ATG16L2: variants seen among roughly 807,000 people sequenced by gnomAD.
The protein encoded by ATG16L2 is protein Atg16l2.
A neutral mutation model predicts 84.7 loss-of-function variants in ATG16L2; 77 were observed. That is an observed-to-expected ratio of 0.91 (90% CI 0.76 to 1.10). The LOEUF (loss-of-function observed/expected upper bound fraction) is 1.10. Among genes scored for constraint, ATG16L2 ranks in the 50% least tolerant of loss-of-function variants. The probability of loss-of-function intolerance (pLI) is 0.00; values close to 1 mark genes in which losing one functional copy is unlikely to be tolerated. For missense variants in ATG16L2, 782 were observed against 817.6 expected, an observed-to-expected ratio of 0.96 and a Z score of 0.53; for synonymous variants, 361 against 342.8, an observed-to-expected ratio of 1.05 and a Z score of -0.59.
At chr11:72,828,677 G>A (rs1860503255) in intron 15 of ATG16L2, 52 bp from the exon 16 acceptor site, 2 of 1,610,482 alleles carry the variant, frequency 1.2e-6, no homozygotes, top group South Asian at 2.2e-5. Context: ...CACTGCAGAG[G>A]GCAGAGACTA....
rs1252123481 is a variant in ATG16L2 at position 72,828,404 on chromosome 11, C to T, written c.1518C>T (p.Thr506=). Reference sequence around the variant, plus strand: ...TCATCCCTGTGCAGGGCCGGGTCACCTCCCTGAGCCTCAGCCACGACCAAC... The same window carrying T: ...TCATCCCTGTGCAGGGCCGGGTCACTTCCCTGAGCCTCAGCCACGACCAAC... ...TQVIPVQGRV[T]SLSLSHDQLH... The change falls in exon 15 of 18, where the codon ACC becomes ACT. Residue 506 remains threonine, a synonymous_variant. Coordinates refer to ENST00000321297, the MANE Select transcript of ATG16L2 (RefSeq NM_033388.2). 9 of 1,614,184 alleles carry T rather than the reference C, an allele frequency of 5.6e-6. No individual in the cohort carries two copies. The highest frequency in any genetic ancestry group is 6.8e-6 in the Non-Finnish European group (8 of 1,180,036).
At position 72,822,993 on chromosome 11, in the gene ATG16L2, G is replaced by A; in HGVS notation, c.824+32G>A. 2 of 1,481,516 alleles carry A rather than the reference G, an allele frequency of 1.3e-6. No individual in the cohort carries two copies. Among genetic ancestry groups the A allele is most frequent in the Non-Finnish European group, 1.8e-6 (2 of 1,090,228 alleles). The allele number at this position is 1,481,516 out of a possible 1,614,324, so 91.8% of individuals were successfully genotyped here. A position where few individuals can be genotyped will look rare whatever the true frequency, so the allele number is the denominator to read the frequency against. ...ACCCAGGTGACAGTCTCAGAGCTCT[G>A]AGCTGAGCCCCACCCCAGAGGCTGC... is the stretch of plus-strand genomic sequence containing the variant. On this transcript the variant is annotated intron_variant, in intron 7 of 17. Coordinates refer to ENST00000321297, the MANE Select transcript of ATG16L2 (RefSeq NM_033388.2). This position sits in a 1 kb window ranked among gnomAD's most constrained non-coding sequence, Gnocchi z 4.2.
At chr11:72,829,693 C>A, downstream of ATG16L2, 1 of 1,067,828 alleles carries the variant, frequency 9.4e-7, no homozygotes, top group Non-Finnish European at 1.1e-6. Context: ...GGCTAGTGGG[C>A]TCTGGAAGAT....
downstream of ATG16L2, among the ~76,000 whole-genome samples, chr11:72,832,322 T>C (rs555046643): frequency 1.6e-3 from 244 of 152,112 alleles, 1 homozygote; most frequent in Non-Finnish European, 3.1e-3. Context: ...TCGGGTGGAG[T>C]TGCCTCTCTC....
chr11:72,841,303 C>G, intron 5 of ATG16L2: 2 of 796,482 alleles, frequency 2.5e-6, no homozygotes, highest in African/African-American at 1.9e-5. Context: ...TGAACTCCAG[C>G]CTGGGTGTCC....
At chr11:72,837,292 A>T (rs894671975) in intron 5 of ATG16L2, 2 of 152,630 alleles carry the variant, frequency 1.3e-5, no homozygotes, top group Non-Finnish European at 2.9e-5. Context: ...ATTGTCACTG[A>T]AGTGATCAAA....
intron 1 of ATG16L2, 133 bp downstream of exon 1, chr11:72,814,696 C>T (rs1859602611): frequency 1.6e-6 from 1 of 628,886 alleles, no homozygotes; most frequent in Non-Finnish European, 2.4e-6. Context: ...GTGCGTTACG[C>T]CCATCCCGAC....
downstream of ATG16L2, among the ~76,000 whole-genome samples, chr11:72,832,244 C>A (rs1053795659): frequency 6.6e-6 from 1 of 152,176 alleles, no homozygotes; most frequent in East Asian, 1.9e-4. Context: ...GGACAGTGAG[C>A]CCTTCTCTCC....
intron 10 of ATG16L2, 28 bp from the exon 11 acceptor site, chr11:72,826,145 C>T: frequency 6.3e-7 from 1 of 1,598,658 alleles, no homozygotes; most frequent in Non-Finnish European, 8.6e-7. Flanking sequence ...GACCTCATTT[C>T]AACTGTCCCT....
At chr11:72,842,007 A>G (rs760196463) in intron 5 of ATG16L2, among the ~76,000 whole-genome samples, 4 of 152,212 alleles carry the variant, frequency 2.6e-5, no homozygotes, top group Non-Finnish European at 5.9e-5. Context: ...AGGGGTCACA[A>G]TCACCACGCA....
exon 6 of ATG16L2, chr11:72,843,587 G>T: frequency 8.2e-7 from 1 of 1,218,728 alleles, no homozygotes; most frequent in Non-Finnish European, 1.2e-6. Context: ...AGGAGCAGAT[G>T]TGAGCTGATC....
chr11:72,831,324 T>C (rs941752811), downstream of ATG16L2, among the ~76,000 whole-genome samples: 6 of 152,188 alleles, frequency 3.9e-5, no homozygotes, highest in African/African-American at 1.2e-4. Context: ...CTGAGCAACA[T>C]AGTGAAACCT....
At chr11:72,826,296 C>T (rs1860347964) in intron 11 of ATG16L2, 53 bp downstream of exon 11, 7 of 1,580,080 alleles carry the variant, frequency 4.4e-6, no homozygotes, top group Non-Finnish European at 5.2e-6. Flanking sequence ...GATCTCCACA[C>T]TGGGCAGGTG....
At chr11:72,837,429 T>C (rs1293147213) in intron 5 of ATG16L2, 1 of 150,334 alleles carries the variant, frequency 6.7e-6, no homozygotes, top group Non-Finnish European at 1.5e-5. Context: ...ATACAACTTG[T>C]AGATTAAATT....
chr11:72,831,011 C>A (rs1234824454), downstream of ATG16L2, among the ~76,000 whole-genome samples: 1 of 152,176 alleles, frequency 6.6e-6, no homozygotes, highest in Non-Finnish European at 1.5e-5. Context: ...GCCCCCAGTT[C>A]AAATTTTTCT....
At chr11:72,816,673 A>AG (rs1859714569) in intron 1 of ATG16L2, 55 bp from the exon 2 acceptor site, 2 of 1,416,910 alleles carry the variant, frequency 1.4e-6, no homozygotes, top group African/African-American at 1.4e-5. Context: ...ATTGCATGCC[A>AG]GGGGGCTGCT....
chr11:72,843,639 A>G (rs1363865913), exon 6 of ATG16L2: 1 of 738,286 alleles, frequency 1.4e-6, no homozygotes, highest in African/African-American at 1.8e-5. Flanking sequence ...TGATTTTGAG[A>G]AACATGTTGA....
In ATG16L2 at chr11:72,828,506, C is replaced by A; in HGVS notation, c.1620C>A (p.Phe540Leu). Residue 540 changes from phenylalanine (F) to leucine (L), a missense_variant and splice_region_variant, in exon 15 of 18, where the codon TTC becomes TTA. Physicochemically the swap from Phe to Leu is conservative, Grantham distance 22. Transcript: ENST00000321297. ...DLRVSNIRQV[F>L]RADGFKCGSD... The stretch of plus-strand genomic sequence containing the variant: ...GTGTCAGCAACATCCGCCAGGTGTT[C>A]AGGTACCAGCCTCATGCCTGCTGAC... 1 of 1,614,184 alleles carries A rather than the reference C, an allele frequency of 6.2e-7. No homozygotes were observed. The highest frequency in any genetic ancestry group is 8.5e-7 in the Non-Finnish European group (1 of 1,180,042).
chr11:72,835,484 T>C (rs923405859), intron 5 of ATG16L2, among the ~76,000 whole-genome samples: 1 of 152,088 alleles, frequency 6.6e-6, no homozygotes, highest in Non-Finnish European at 1.5e-5. Context: ...TGTGGCACAC[T>C]TTATATGGCC....
Sources: allele counts gnomAD v4.1 joint callset (sites outside exome capture counted in the v4.1 genomes callset), GRCh38; gene constraint gnomAD v4.1.1; non-coding constraint Gnocchi (gnomAD v3.1); transcripts MANE v1.5; gene names NCBI Gene and HGNC (gene_info 2026-07-23, HGNC 2026-07-21).